KCND2: variants seen among roughly 807,000 people sequenced by gnomAD.
KCND2 encodes A-type voltage-gated potassium channel KCND2.
KCND2 carries 16 observed loss-of-function variants against 54.4 expected under a neutral mutation model. That is an observed-to-expected ratio of 0.29 (90% CI 0.20 to 0.45). KCND2 has a LOEUF of 0.45. Among genes scored for constraint, KCND2 ranks in the 20% least tolerant of loss-of-function variants. The pLI, the probability that KCND2 is intolerant of heterozygous loss-of-function variation, is 1.00. For missense variants in KCND2, 486 were observed against 824.2 expected, an observed-to-expected ratio of 0.59 and a Z score of 5.02; for synonymous variants, 317 against 310.7, an observed-to-expected ratio of 1.02 and a Z score of -0.21.
chr7:120,427,973 ACT>A (rs1801736912), intron 1 of KCND2, among the ~76,000 whole-genome samples: 1 of 152,096 alleles, frequency 6.6e-6, no homozygotes, highest in South Asian at 2.1e-4. Flanking sequence ...AATCTGGCAA[ACT>A]CTAGCTGATT....
intron 1 of KCND2, among the ~76,000 whole-genome samples, chr7:120,324,466 T>A (rs2116336047): frequency 6.7e-6 from 1 of 148,576 alleles, no homozygotes; most frequent in East Asian, 2.0e-4. Context: ...CATCTTGAAT[T>A]GATTTTTGTA....
intron 1 of KCND2, among the ~76,000 whole-genome samples, chr7:120,345,803 A>C (rs1184002011): frequency 6.6e-6 from 1 of 152,332 alleles, no homozygotes; most frequent in East Asian, 1.9e-4. Context: ...GCTGCTATGA[A>C]CATAACTGCA....
At chr7:120,358,618 A>C (rs1800543250) in intron 1 of KCND2, among the ~76,000 whole-genome samples, 1 of 152,124 alleles carries the variant, frequency 6.6e-6, no homozygotes, top group Non-Finnish European at 1.5e-5. Flanking sequence ...AAAATACCTA[A>C]GTCTACCCTG....
chr7:120,404,019 G>A (rs1801311857), intron 1 of KCND2, among the ~76,000 whole-genome samples: 1 of 151,452 alleles, frequency 6.6e-6, no homozygotes, highest in Non-Finnish European at 1.5e-5. Flanking sequence ...AACTATGCTT[G>A]GAAATTAACA....
chr7:120,688,695 C>T (rs754056505), intron 1 of KCND2, among the ~76,000 whole-genome samples: 12 of 152,150 alleles, frequency 7.9e-5, no homozygotes, highest in Non-Finnish European at 1.3e-4. Flanking sequence ...CTATCATCCT[C>T]AGTTTTTGTT....
chr7:120,458,596 T>C (rs1173922953), intron 1 of KCND2, among the ~76,000 whole-genome samples: 1 of 152,144 alleles, frequency 6.6e-6, no homozygotes, highest in African/African-American at 2.4e-5. Flanking sequence ...AAAATTTGAA[T>C]CTTATGTGAT....
At chr7:120,300,842 G>T (rs549416135) in intron 1 of KCND2, among the ~76,000 whole-genome samples, 1 of 151,988 alleles carries the variant, frequency 6.6e-6, no homozygotes, top group Admixed American at 6.6e-5. Context: ...CATGAAAATA[G>T]TTTTCTTACA....
chr7:120,543,406 C>CA (rs1476199506), intron 1 of KCND2, among the ~76,000 whole-genome samples: 13 of 150,866 alleles, frequency 8.6e-5, no homozygotes, highest in East Asian at 5.8e-4. Context: ...GAGATACACA[C>CA]AAAAAAAAGA....
At chr7:120,628,011 ATACTT>A (rs1419438324) in intron 1 of KCND2, among the ~76,000 whole-genome samples, 2 of 152,162 alleles carry the variant, frequency 1.3e-5, no homozygotes, top group Non-Finnish European at 2.9e-5. Context: ...AAATGTTTAA[ATACTT>A]TGTTAGACCA....
At chr7:120,447,965 GAA>G (rs200403222) in intron 1 of KCND2, among the ~76,000 whole-genome samples, 1,933 of 152,176 alleles carry the variant, frequency 0.013, 39 homozygotes, top group African/African-American at 0.041. Flanking sequence ...CTTGATTCAT[GAA>G]TTATTAGTTT....
At chr7:120,684,262 A>G (rs150873884) in intron 1 of KCND2, among the ~76,000 whole-genome samples, 279 of 152,298 alleles carry the variant, frequency 1.8e-3, no homozygotes, top group Middle Eastern at 6.8e-3. Context: ...TTATGAAGTT[A>G]AAGTTAGCAC....
intron 1 of KCND2, among the ~76,000 whole-genome samples, chr7:120,666,585 T>C (rs983232904): frequency 2.0e-5 from 3 of 152,056 alleles, no homozygotes; most frequent in African/African-American, 4.8e-5. Context: ...CAAGTAAGAA[T>C]GTTGCTATTT....
intron 1 of KCND2, among the ~76,000 whole-genome samples, chr7:120,399,758 T>C (rs1476875691): frequency 1.3e-5 from 2 of 151,946 alleles, no homozygotes; most frequent in East Asian, 1.9e-4. Context: ...CAGAATCTCC[T>C]TGTGTCACCC....
chr7:120,540,064 T>G (rs949908384), intron 1 of KCND2, among the ~76,000 whole-genome samples: 2 of 151,990 alleles, frequency 1.3e-5, no homozygotes, highest in African/African-American at 4.8e-5. Flanking sequence ...CCTGGCTAAT[T>G]TTTGTGTATT....
At position 120,701,766 on chromosome 7, in the gene KCND2, G is replaced by A. The variant is rs1332853724; in HGVS notation, c.1116-31137G>A. Among the ~76,000 whole-genome samples, 5 of 152,028 alleles carry A rather than the reference G, an allele frequency of 3.3e-5. No individual in the cohort carries two copies. In the East Asian group the frequency reaches 9.7e-4, roughly 29 times the overall value. On this transcript the variant is annotated intron_variant, in intron 1 of 5. Transcript: ENST00000331113. ...TGGCCATGTGCAGAAGATTGAAACTGGGGGGTGGGACCCCTCCTTACACCA... is the reference window on the plus strand; with the variant it reads ...TGGCCATGTGCAGAAGATTGAAACTAGGGGGTGGGACCCCTCCTTACACCA...
At chr7:120,444,051 C>G (rs2116201308) in intron 1 of KCND2, among the ~76,000 whole-genome samples, 1 of 152,124 alleles carries the variant, frequency 6.6e-6, no homozygotes, top group South Asian at 2.1e-4. Flanking sequence ...ATCTTCATAC[C>G]CTTATCCATG....
intron 1 of KCND2, among the ~76,000 whole-genome samples, chr7:120,551,289 A>G (rs1459370046): frequency 6.6e-6 from 1 of 152,246 alleles, no homozygotes; most frequent in African/African-American, 2.4e-5. Flanking sequence ...TATTAAAAGT[A>G]GTTTCCTAAG....
At chr7:120,615,017 C>T (rs369364809) in intron 1 of KCND2, among the ~76,000 whole-genome samples, 6 of 152,130 alleles carry the variant, frequency 3.9e-5, no homozygotes, top group East Asian at 1.9e-4. Flanking sequence ...AAGACATGTA[C>T]GGTAGTCCAA....
intron 1 of KCND2, among the ~76,000 whole-genome samples, chr7:120,641,010 AT>A (rs1481682127): frequency 6.6e-6 from 1 of 152,178 alleles, no homozygotes; most frequent in Non-Finnish European, 1.5e-5. Context: ...TGATGATATA[AT>A]TTGCATTTTT....
Sources: allele counts gnomAD v4.1 joint callset (sites outside exome capture counted in the v4.1 genomes callset), GRCh38; gene constraint gnomAD v4.1.1; transcripts MANE v1.5; gene names NCBI Gene and HGNC (gene_info 2026-07-23, HGNC 2026-07-21).